NTM: variants seen among roughly 807,000 people sequenced by gnomAD.
The protein encoded by NTM is IgLON family member 2.
A neutral mutation model predicts 42.1 loss-of-function variants in NTM; 13 were observed. The observed-to-expected ratio is 0.31, with a 90% CI of 0.20 to 0.49. The LOEUF (loss-of-function observed/expected upper bound fraction) is 0.49, where lower values mean the gene tolerates loss of function less well. NTM is among the 20% of genes least tolerant of loss of function. NTM has a pLI of 0.99. For synonymous variants in NTM, 187 were observed against 179.2 expected (o/e 1.04, Z -0.35); for missense variants, 373 against 452.8 (o/e 0.82, Z 1.60).
chr11:131,697,028 T>C (rs905040031), intron 1 of NTM, among the ~76,000 whole-genome samples: 2 of 152,208 alleles, frequency 1.3e-5, no homozygotes, highest in African/African-American at 4.8e-5. Flanking sequence ...GCGACAGAGA[T>C]GATCTGTTCA....
At chr11:131,786,401 T>C (rs987793511) in intron 1 of NTM, among the ~76,000 whole-genome samples, 5 of 152,220 alleles carry the variant, frequency 3.3e-5, no homozygotes, top group Non-Finnish European at 4.4e-5. Flanking sequence ...ACAAATTCTG[T>C]GTTTGCAGTT....
chr11:132,136,555 G>T (rs2067957407), intron 2 of NTM, among the ~76,000 whole-genome samples: 1 of 152,172 alleles, frequency 6.6e-6, no homozygotes. Flanking sequence ...GGCCACACAT[G>T]TACATCATAT....
intron 1 of NTM, among the ~76,000 whole-genome samples, chr11:131,866,426 C>A (rs2047224724): frequency 6.6e-6 from 1 of 152,256 alleles, no homozygotes. Context: ...TGGAACAAAC[C>A]CAAGGGCAGG....
At chr11:131,448,843 G>A (rs185234830) in intron 1 of NTM, among the ~76,000 whole-genome samples, 2 of 152,294 alleles carry the variant, frequency 1.3e-5, no homozygotes, top group Admixed American at 6.5e-5. Context: ...AGTGGCTTTC[G>A]ACTTCAGCTG....
intron 1 of NTM, among the ~76,000 whole-genome samples, chr11:131,452,117 G>T (rs372026465): frequency 4.6e-4 from 70 of 152,196 alleles, no homozygotes; most frequent in Non-Finnish European, 8.7e-4. Flanking sequence ...GAAAAGAAGT[G>T]GGGGGAGGGA....
chr11:132,243,983 C>T (rs191483616), intron 4 of NTM, among the ~76,000 whole-genome samples: 5 of 152,196 alleles, frequency 3.3e-5, no homozygotes, highest in African/African-American at 1.2e-4. Flanking sequence ...TCTGCCATCC[C>T]GTCTCATGGG....
chr11:132,080,688 G>T (rs1434699701), intron 2 of NTM, among the ~76,000 whole-genome samples: 1 of 152,166 alleles, frequency 6.6e-6, no homozygotes, highest in East Asian at 1.9e-4. Context: ...AGTCCCTGCA[G>T]GTTCTTACTT....
intron 2 of NTM, among the ~76,000 whole-genome samples, chr11:132,056,362 G>T (rs2079657461): frequency 6.6e-6 from 1 of 152,160 alleles, no homozygotes; most frequent in Non-Finnish European, 1.5e-5. Flanking sequence ...TGTATACATT[G>T]ATAAATTTTC....
intron 1 of NTM, among the ~76,000 whole-genome samples, chr11:131,764,586 T>G (rs1222967120): frequency 6.6e-6 from 1 of 152,176 alleles, no homozygotes; most frequent in Non-Finnish European, 1.5e-5. Context: ...ACCTAACCTC[T>G]GTGGACTACA....
At chr11:132,265,945 G>T (rs889604307) in intron 4 of NTM, among the ~76,000 whole-genome samples, 3 of 152,172 alleles carry the variant, frequency 2.0e-5, no homozygotes, top group Admixed American at 2.0e-4. Flanking sequence ...CAGGTTCAGG[G>T]TTCCTAGAAG....
At chr11:132,073,493 A>G (rs1487130445) in intron 2 of NTM, among the ~76,000 whole-genome samples, 1 of 152,202 alleles carries the variant, frequency 6.6e-6, no homozygotes, top group Non-Finnish European at 1.5e-5. Flanking sequence ...GAGTATTGTT[A>G]AAAGGACATA....
At chr11:131,933,680 G>T (rs1270152769) in intron 2 of NTM, among the ~76,000 whole-genome samples, 1 of 151,812 alleles carries the variant, frequency 6.6e-6, no homozygotes, top group Admixed American at 6.6e-5. Context: ...CTATCTCAAA[G>T]CTTCTTAACC....
At chr11:132,070,215 A>C (rs369779880) in intron 2 of NTM, among the ~76,000 whole-genome samples, 1 of 109,730 alleles carries the variant, frequency 9.1e-6, no homozygotes, top group African/African-American at 3.4e-5. Flanking sequence ...CAAACTGACC[A>C]TCACAGGTTA....
intron 4 of NTM, among the ~76,000 whole-genome samples, chr11:132,268,934 G>A (rs2044726): frequency 0.35 from 52,448 of 151,688 alleles, 9,668 homozygotes; most frequent in Middle Eastern, 0.5. Flanking sequence ...ACCCAGACAT[G>A]GTCAGTCATG....
intron 1 of NTM, among the ~76,000 whole-genome samples, chr11:131,478,108 C>A (rs1453015093): frequency 2.0e-5 from 3 of 152,282 alleles, no homozygotes; most frequent in South Asian, 4.1e-4. Flanking sequence ...GTAAAATAAT[C>A]TTTCAGGGCA....
At chr11:132,101,850 G>C (rs905722640) in intron 2 of NTM, among the ~76,000 whole-genome samples, 3 of 152,152 alleles carry the variant, frequency 2.0e-5, no homozygotes, top group Non-Finnish European at 4.4e-5. Flanking sequence ...CTTCCACACA[G>C]AGGACAGGCA....
chr11:132,012,742 A>G (rs1236429337), intron 2 of NTM, among the ~76,000 whole-genome samples: 3 of 152,192 alleles, frequency 2.0e-5, no homozygotes, highest in African/African-American at 7.2e-5. Flanking sequence ...GAACAAGCTA[A>G]ATCCATACAC....
intron 1 of NTM, among the ~76,000 whole-genome samples, chr11:131,609,629 A>C (rs375530544): frequency 9.2e-5 from 14 of 152,248 alleles, no homozygotes; most frequent in African/African-American, 3.1e-4. Flanking sequence ...TTTGAGCTGG[A>C]TTTATCTCTG....
chr11:131,769,296 T>A (rs1225320575), intron 1 of NTM, among the ~76,000 whole-genome samples: 2 of 27,510 alleles, frequency 7.3e-5, no homozygotes, highest in East Asian at 2.6e-3. Flanking sequence ...GTTTTCTCAT[T>A]TTTTTTTGAG....
Sources: gnomAD v4.1 joint callset for allele counts (sites outside exome capture counted in the v4.1 genomes callset) on GRCh38, gnomAD v4.1.1 for gene constraint, MANE v1.5 for transcripts, NCBI Gene and HGNC (gene_info 2026-07-23, HGNC 2026-07-21) for gene names.